Variants in TRIM23 observed in about 807,000 individuals in gnomAD.
TRIM23 encodes tripartite motif containing 23.
In TRIM23, 27 loss-of-function variants were observed where a neutral mutation model predicts 71.0. That is an observed-to-expected ratio of 0.38 (90% CI 0.28 to 0.52). TRIM23 has a LOEUF of 0.52. Ranked by LOEUF, TRIM23 falls within the 20% of genes least tolerant of loss-of-function variation. The probability of loss-of-function intolerance (pLI) is 0.84; values close to 1 mark genes in which losing one functional copy is unlikely to be tolerated. For missense variants in TRIM23, 482 were observed against 692.3 expected (o/e 0.70, Z 3.41); for synonymous variants, 234 against 238.0 (o/e 0.98, Z 0.16).
At chr5:65,612,537 G>A (rs1754680602) in intron 3 of TRIM23, among the ~76,000 whole-genome samples, 1 of 151,690 alleles carries the variant, frequency 6.6e-6, no homozygotes, top group African/African-American at 2.4e-5. Flanking sequence ...AAAAAAAATA[G>A]GCCAGGCTCA....
rs1377929464 is a variant in TRIM23 at position 65,611,872 on chromosome 5, G to A, written c.376C>T (p.Arg126Cys). Reference sequence around the variant, plus strand: ...AGGTGAGCTTCATCTTCATCACAACGAATGATGCTCTGATAAACAAAAAAT... The same window carrying A: ...AGGTGAGCTTCATCTTCATCACAACAAATGATGCTCTGATAAACAAAAAAT... Reference protein sequence around the residue: ...SIGISGESIIRCDEDEAHLAS... With the variant: ...SIGISGESIICCDEDEAHLAS... The change falls in exon 4 of 11, where the codon CGT (arginine) becomes TGT (cysteine). Residue 126 changes from arginine to cysteine, a missense_variant. Arg to Cys is a radical substitution (Grantham distance 180, BLOSUM62 -3). Around this residue, in one of 2 missense-constraint regions of TRIM23, gnomAD observed 175 missense variants for 196.5 expected, o/e 0.89. Coordinates refer to ENST00000231524, the MANE Select transcript of TRIM23 (RefSeq NM_001656.4). 1.2e-6 allele frequency: 2 copies of A among 1,609,840 alleles called. No individual in the cohort carries two copies. Among genetic ancestry groups the A allele is most frequent in the African/African-American group, 1.3e-5 (1 of 74,840 alleles).
In TRIM23 at chr5:65,618,179, T is replaced by C. The variant is rs867410439; in HGVS notation, c.158A>G (p.His53Arg). Residue 53 changes from histidine to arginine, a missense_variant, in exon 2 of 11, where the codon CAT (histidine) becomes CGT (arginine). Coordinates refer to ENST00000231524, the MANE Select transcript of TRIM23 (RefSeq NM_001656.4). The stretch of plus-strand genomic sequence containing the variant: ...AGTGAGACAGTCATGACAGACGGTA[T>C]GGCCACAAAGCAAAAGACGGGGAAC... ...DKVPRLLLCGHTVCHDCLTRL... is the reference protein window; with the variant it reads ...DKVPRLLLCGRTVCHDCLTRL... 6.2e-7 allele frequency: 1 copy of C among 1,614,106 alleles called. No individual in the cohort carries two copies. The highest frequency in any genetic ancestry group is 1.7e-5 in the Admixed American group (1 of 60,024).
chr5:65,594,595 G>T lies in TRIM23; in HGVS notation c.1471C>A (p.His491Asn), dbSNP rs766143129. The T allele has an allele frequency of 6.2e-7, 1 of 1,611,656 alleles. No homozygotes were observed. Among genetic ancestry groups the T allele is most frequent in the Non-Finnish European group, 8.5e-7 (1 of 1,179,122 alleles). Residue 491 changes from histidine (H) to asparagine (N), a missense_variant, in exon 10 of 11, where the codon CAC (histidine) becomes AAC (asparagine). Around this residue, in one of 2 missense-constraint regions of TRIM23, gnomAD observed 307 missense variants for 495.8 expected, o/e 0.62. Transcript: ENST00000231524. ...SSHRDRISEA[H>N]SELAKLLTEK... ...GTTAACAACTTTGCAAGTTCGCTGTGTGCTTCACTAATTCTGTCTCTATGA... is the reference window on the plus strand; with the variant it reads ...GTTAACAACTTTGCAAGTTCGCTGTTTGCTTCACTAATTCTGTCTCTATGA...
intron 2 of TRIM23, among the ~76,000 whole-genome samples, chr5:65,617,188 T>C (rs1443620982): frequency 6.6e-6 from 1 of 152,234 alleles, no homozygotes; most frequent in Non-Finnish European, 1.5e-5. Context: ...GCAAATAGAC[T>C]ATTTATATAC....
At chr5:65,610,728 G>C (rs1007785813) in intron 5 of TRIM23, 133 bp downstream of exon 5, 2 of 649,668 alleles carry the variant, frequency 3.1e-6, no homozygotes, top group Non-Finnish European at 4.9e-6. Flanking sequence ...CTGAAAGACA[G>C]GGACTTTTAA....
At chr5:65,598,859 GA>G (rs1276226329) in intron 7 of TRIM23, among the ~76,000 whole-genome samples, 1 of 151,622 alleles carries the variant, frequency 6.6e-6, no homozygotes, top group Non-Finnish European at 1.5e-5. Flanking sequence ...CAGAATGAGA[GA>G]AAAAAAGCAC....
rs1048196811 is a variant in TRIM23, at chr5:65,591,411, T to C, written c.*358A>G. ...AGGTCTCATTAGGCACTCAATTGGC[T>C]ATTCTTTTTTCACTGAAAGAATAAA... On this transcript the variant is annotated 3_prime_UTR_variant, in exon 11 of 11. Coordinates refer to ENST00000231524, the MANE Select transcript of TRIM23 (RefSeq NM_001656.4). 12 of 1,582,450 alleles carry C rather than the reference T, an allele frequency of 7.6e-6. No individual in the cohort carries two copies. The highest frequency in any genetic ancestry group is 1.0e-5 in the Non-Finnish European group (12 of 1,166,014).
intron 7 of TRIM23, among the ~76,000 whole-genome samples, chr5:65,597,751 TTAAC>T (rs1454471306): frequency 3.9e-5 from 6 of 152,176 alleles, no homozygotes; most frequent in South Asian, 2.1e-4. Flanking sequence ...AAACCACAAT[TTAAC>T]TAAACCCCCA....
rs779649165 is a variant in TRIM23, at chr5:65,602,128, T to C, written c.1179+2783A>G. On this transcript the variant is annotated intron_variant, in intron 7 of 10. Coordinates refer to ENST00000231524, the MANE Select transcript of TRIM23 (RefSeq NM_001656.4). ...CCAGAAGATGGGTTTTTCTTCTCCATTGCACAATCAGGATGCAAATTTTTC... is the reference window on the plus strand; with the variant it reads ...CCAGAAGATGGGTTTTTCTTCTCCACTGCACAATCAGGATGCAAATTTTTC... Among the ~76,000 whole-genome samples, 3 of 152,336 alleles carry C rather than the reference T, an allele frequency of 2.0e-5. 1 individual carries two copies. Among genetic ancestry groups the C allele is most frequent in the Non-Finnish European group, 2.9e-5 (2 of 68,022 alleles).
At position 65,591,890 on chromosome 5, in the gene TRIM23, A is replaced by C; in HGVS notation, c.1604T>G (p.Leu535Ter). Residue 535 changes from leucine to a stop codon, truncating the protein, a stop_gained, in exon 11 of 11, where the codon TTA (leucine) becomes TGA (stop). Transcript: ENST00000231524. LOFTEE classifies it high-confidence loss of function. The stretch of plus-strand genomic sequence containing the variant: ...AATATACCAGCTACGGCCACAGCAT[A>C]ATTTATGGAGACTGAGTAGTTCAGT... ...EITELLSLHK[L>*]CCGRSWYIQG... 6.2e-7 allele frequency: 1 copy of C among 1,613,852 alleles called. No individual in the cohort carries two copies. The highest frequency in any genetic ancestry group is 8.5e-7 in the Non-Finnish European group (1 of 1,179,908).
At chr5:65,618,386 T>G (rs1372423410) in intron 1 of TRIM23, 131 bp from the exon 2 acceptor site, 1 of 978,778 alleles carries the variant, frequency 1.0e-6, no homozygotes, top group South Asian at 3.0e-5. Context: ...AAAAAAACTA[T>G]GTAGGTTGTA....
intron 6 of TRIM23, among the ~76,000 whole-genome samples, chr5:65,608,978 A>G (rs1328727601): frequency 6.6e-6 from 1 of 152,170 alleles, no homozygotes; most frequent in Non-Finnish European, 1.5e-5. Flanking sequence ...TGCTTGGCAA[A>G]GAAGAGTAAA....
At chr5:65,611,909 A>C (rs1317791811) in intron 3 of TRIM23, 28 bp from the exon 4 acceptor site, 1 of 1,596,270 alleles carries the variant, frequency 6.3e-7, no homozygotes, top group Non-Finnish European at 8.6e-7. Flanking sequence ...AATGCCTTAA[A>C]ATTGAACCCA....
chr5:65,611,522 A>C, intron 4 of TRIM23, 81 bp downstream of exon 4: 1 of 1,476,646 alleles, frequency 6.8e-7, no homozygotes, highest in Non-Finnish European at 9.1e-7. Flanking sequence ...CTTTCAGAAT[A>C]AAGAACCAGG....
chr5:65,601,915 C>T (rs988609664), intron 7 of TRIM23, among the ~76,000 whole-genome samples: 11 of 152,190 alleles, frequency 7.2e-5, no homozygotes, highest in Non-Finnish European at 1.5e-4. Context: ...CCAGGCTGCA[C>T]ACAGCATGGG....
At chr5:65,596,064 T>C (rs191866865) in intron 9 of TRIM23, among the ~76,000 whole-genome samples, 2 of 152,244 alleles carry the variant, frequency 1.3e-5, no homozygotes, top group Non-Finnish European at 2.9e-5. Flanking sequence ...TTTAACTGAA[T>C]TCAGCAGAAT....
chr5:65,594,991 T>C (rs16894052), intron 9 of TRIM23, among the ~76,000 whole-genome samples: 2,223 of 152,338 alleles, frequency 0.015, 46 homozygotes, highest in African/African-American at 0.051. Flanking sequence ...GTTCTTCGAA[T>C]ACTACTTTTC....
intron 3 of TRIM23, among the ~76,000 whole-genome samples, chr5:65,613,336 T>A (rs978488784): frequency 5.9e-5 from 9 of 152,206 alleles, no homozygotes; most frequent in African/African-American, 1.7e-4. Flanking sequence ...TTCACTTTAG[T>A]ATAAAGAAAT....
In TRIM23 at chr5:65,611,660, T is replaced by C. The variant is rs754622718; in HGVS notation, c.588A>G (p.Gln196=). 10 of 1,614,100 alleles carry C rather than the reference T, an allele frequency of 6.2e-6. No individual in the cohort carries two copies. The highest frequency in any genetic ancestry group is 4.0e-5 in the African/African-American group (3 of 74,940). The change falls in exon 4 of 11, where the codon CAA becomes CAG. Residue 196 remains glutamine (Q), a synonymous_variant. Coordinates refer to ENST00000231524, the MANE Select transcript of TRIM23 (RefSeq NM_001656.4). ...AGACACAGCACATGAGTGGGCTAGTTTGACAACCTTCTTCCAAGCAAACAA... is the reference window on the plus strand; with the variant it reads ...AGACACAGCACATGAGTGGGCTAGTCTGACAACCTTCTTCCAAGCAAACAA... ...IEFVCLEEGC[Q]TSPLMCCVCK...
Sources: allele counts gnomAD v4.1 joint callset (sites outside exome capture counted in the v4.1 genomes callset), GRCh38; gene constraint gnomAD v4.1.1; regional missense constraint gnomAD v4.1.1; transcripts MANE v1.5; gene names NCBI Gene and HGNC (gene_info 2026-07-23, HGNC 2026-07-21).